WDFY3: variants seen among roughly 807,000 people sequenced by gnomAD.
WDFY3 encodes the protein WD repeat and FYVE domain-containing protein 3.
Under a neutral mutation model 409.6 loss-of-function variants are expected in WDFY3, and 66 were observed. The observed-to-expected ratio is 0.16, with a 90% confidence interval of 0.13 to 0.20. The LOEUF (loss-of-function observed/expected upper bound fraction) is 0.20, where lower values mean the gene tolerates loss of function less well. Among genes scored for constraint, WDFY3 ranks in the 10% least tolerant of loss-of-function variants. WDFY3 has a pLI of 1.00. For missense variants in WDFY3, 3,031 were observed against 4,298.1 expected, an observed-to-expected ratio of 0.71 and a Z score of 8.24; for synonymous variants, 1,521 against 1,537.1, an observed-to-expected ratio of 0.99 and a Z score of 0.25.
rs1730532424 is a variant in WDFY3, at chr4:84,698,572, T to TA, written c.8597-1750_8597-1749insT. ...ATAGGCAAGAGCCAGTGCTCCGCCC[T>TA]TAATTTTGCTATTCTGAAGCTCTCC... is the stretch of plus-strand genomic sequence containing the variant. On this transcript the variant is annotated intron_variant, in intron 56 of 67. Transcript: ENST00000295888. 2.6e-5 allele frequency among the ~76,000 whole-genome samples: 4 copies of TA among 152,274 alleles called. No homozygotes were observed. In the East Asian group the frequency reaches 7.7e-4, roughly 29 times the overall value.
intron 15 of WDFY3, among the ~76,000 whole-genome samples, chr4:84,807,430 T>A (rs1228961852): frequency 1.3e-5 from 2 of 152,210 alleles, no homozygotes; most frequent in African/African-American, 4.8e-5. Context: ...AAATACTGAA[T>A]CCGTAACAAA....
intron 17 of WDFY3, among the ~76,000 whole-genome samples, chr4:84,798,472 A>G (rs1207584086): frequency 6.6e-6 from 1 of 152,198 alleles, no homozygotes; most frequent in Non-Finnish European, 1.5e-5. Flanking sequence ...ATATAGCTAT[A>G]TATCTGCTAT....
chr4:84,821,481 G>A lies in WDFY3; in HGVS notation c.1194C>T (p.Phe398=), dbSNP rs758339183. ...QNAFLKAKTS[F]LAQIILDAIT... ...TAGCATCAAGGATGATTTGGGCAAG[G>A]AAGCTGGTTTTTGCTTTTAAAAATG... The change falls in exon 11 of 68, where the codon TTC becomes TTT. Residue 398 remains phenylalanine (F), a synonymous_variant. Coordinates refer to ENST00000295888, the MANE Select transcript of WDFY3 (RefSeq NM_014991.6). 6.2e-7 allele frequency: 1 copy of A among 1,613,846 alleles called. No homozygotes were observed. Among genetic ancestry groups the A allele is most frequent in the East Asian group, 2.2e-5 (1 of 44,848 alleles).
chr4:84,679,509 G>C (rs1726960676), intron 64 of WDFY3, among the ~76,000 whole-genome samples: 1 of 152,110 alleles, frequency 6.6e-6, no homozygotes. Flanking sequence ...AATCTGGCCA[G>C]AATCTGCCTT....
chr4:84,813,082 A>T (rs1334109534), intron 13 of WDFY3, among the ~76,000 whole-genome samples: 1 of 152,166 alleles, frequency 6.6e-6, no homozygotes, highest in East Asian at 1.9e-4. Context: ...TACAAATTAA[A>T]TGACATAGTT....
chr4:84,876,234 C>T (rs1472687699), intron 3 of WDFY3, among the ~76,000 whole-genome samples: 1 of 152,134 alleles, frequency 6.6e-6, no homozygotes, highest in African/African-American at 2.4e-5. Context: ...CTGGGAACAC[C>T]ATCATATATG....
chr4:84,683,398 C>T (rs1339549759), intron 63 of WDFY3, among the ~76,000 whole-genome samples: 3 of 152,168 alleles, frequency 2.0e-5, no homozygotes, highest in African/African-American at 4.8e-5. Flanking sequence ...GACAGAAAAA[C>T]TCAAATACTT....
chr4:84,714,114 A>T (rs1183132533), intron 50 of WDFY3, among the ~76,000 whole-genome samples: 3 of 105,442 alleles, frequency 2.8e-5, no homozygotes, highest in South Asian at 2.8e-4. Context: ...GACTTTGTCT[A>T]AAAAAAAAAA....
Position 84,696,586 on chromosome 4 carries a change from G to A in WDFY3, c.8688+146C>T, listed in dbSNP as rs556951257. ...ATTCCTGGTTTCAGGCATCAACTGG[G>A]GTTCTTGGGATGTATCCCCTGTAGA... On this transcript the variant is annotated intron_variant, in intron 57 of 67. Transcript: ENST00000295888. 3 of 672,502 alleles carry A rather than the reference G, an allele frequency of 4.5e-6. No homozygotes were observed. The South Asian group carries it at 6.5e-5, about 15-fold the overall frequency. The allele number at this position is 672,502 out of a possible 1,614,324, so 41.7% of individuals were successfully genotyped here.
rs369039092 is a variant in WDFY3, at chr4:84,677,185, A to T, written c.10457+14T>A. 1 of 1,613,968 alleles carries T rather than the reference A, an allele frequency of 6.2e-7. No homozygotes were observed. Among genetic ancestry groups the T allele is most frequent in the East Asian group, 2.2e-5 (1 of 44,880 alleles). On this transcript the variant is annotated intron_variant, in intron 67 of 67. Coordinates refer to ENST00000295888, the MANE Select transcript of WDFY3 (RefSeq NM_014991.6). ...TAATCAATGTAAATTCAAAAAGCAGATATCTTATCTTACTTCTGGCAGAAG... is the reference window on the plus strand; with the variant it reads ...TAATCAATGTAAATTCAAAAAGCAGTTATCTTATCTTACTTCTGGCAGAAG...
chr4:84,780,195 C>T lies in WDFY3; in HGVS notation c.4278G>A (p.Gly1426=), dbSNP rs1022869576. 3.7e-6 allele frequency: 6 copies of T among 1,613,922 alleles called. No homozygotes were observed. The highest frequency in any genetic ancestry group is 3.3e-5 in the Admixed American group (2 of 59,980). ...GLVAMASDVE[G]LYAAVKALVC... Reference sequence around the variant, plus strand: ...CCAGGGCCTTGACTGCTGCATATAACCCTTCCACATCAGAGGCCATGGCCA... The same window carrying T: ...CCAGGGCCTTGACTGCTGCATATAATCCTTCCACATCAGAGGCCATGGCCA... Residue 1426 remains glycine, a synonymous_variant, in exon 26 of 68, where the codon GGG becomes GGA. Transcript: ENST00000295888.
intron 1 of WDFY3, among the ~76,000 whole-genome samples, chr4:84,963,284 C>T (rs564967929): frequency 6.6e-6 from 1 of 151,656 alleles, no homozygotes; most frequent in Non-Finnish European, 1.5e-5. Flanking sequence ...ATTAGCCAGG[C>T]GTGGTGGCGA....
At position 84,940,268 on chromosome 4, in the gene WDFY3, G is replaced by A. The variant is rs937420590; in HGVS notation, c.-225-7905C>T. 5.3e-5 allele frequency among the ~76,000 whole-genome samples: 8 copies of A among 151,986 alleles called. No individual in the cohort carries two copies. In the East Asian group the frequency reaches 1.2e-3, roughly 22 times the overall value. ...CTCTTTCAACTCTACCCAAGCTGACGGTATATGGTTATAGTTATAGCACCA... is the reference window on the plus strand; with the variant it reads ...CTCTTTCAACTCTACCCAAGCTGACAGTATATGGTTATAGTTATAGCACCA... On this transcript the variant is annotated intron_variant, in intron 1 of 67. Transcript: ENST00000295888.
Position 84,765,993 on chromosome 4 carries a change from C to T in WDFY3, c.5005G>A (p.Asp1669Asn), listed in dbSNP as rs1307390298. 1 of 1,613,790 alleles carries T rather than the reference C, an allele frequency of 6.2e-7. No homozygotes were observed. Among genetic ancestry groups the T allele is most frequent in the African/African-American group, 1.3e-5 (1 of 74,910 alleles). Residue 1669 changes from aspartate to asparagine, a missense_variant, in exon 32 of 68, where the codon GAC becomes AAC. Physicochemically the swap from Asp to Asn is conservative, Grantham distance 23 (BLOSUM62 1). This residue lies in a region of WDFY3 where 342 missense variants were observed against 463.7 expected (regional missense o/e 0.74). Coordinates refer to ENST00000295888, the MANE Select transcript of WDFY3 (RefSeq NM_014991.6). Reference protein sequence around the residue: ...CEELVKTLGFDWIMMFMEEHL... With the variant: ...CEELVKTLGFNWIMMFMEEHL... ...TCCTCCATAAACATCATGATCCAGT[C>T]AAAACCCAGTGTCTTCACCAGTTCT...
chr4:84,957,854 T>C (rs1774437911), intron 1 of WDFY3, among the ~76,000 whole-genome samples: 1 of 152,340 alleles, frequency 6.6e-6, no homozygotes, highest in East Asian at 1.9e-4. Context: ...CTAGATCTAT[T>C]AGTGTTACAG....
rs141638610 is a variant in WDFY3 at position 84,949,604 on chromosome 4, T to C, written c.-226+16605A>G. On this transcript the variant is annotated intron_variant, in intron 1 of 67. Coordinates refer to ENST00000295888, the MANE Select transcript of WDFY3 (RefSeq NM_014991.6). ...CTGAACAATGCTGAATTCTTCTCTA[T>C]GAAACTTATTCAATTTCTAATTCTC... Among the ~76,000 whole-genome samples the C allele has an allele frequency of 7.2e-3, 1,104 of 152,334 alleles. 5 individuals are homozygous for C. The highest frequency in any genetic ancestry group is 0.031 in the Middle Eastern group (9 of 294).
chr4:84,904,961 G>A (rs1000048158), intron 2 of WDFY3, among the ~76,000 whole-genome samples: 2 of 145,516 alleles, frequency 1.4e-5, no homozygotes, highest in African/African-American at 5.2e-5. Flanking sequence ...GTGGTCCCTG[G>A]GGCCCAGCTG....
intron 64 of WDFY3, among the ~76,000 whole-genome samples, chr4:84,680,861 G>A (rs955003043): frequency 2.0e-5 from 3 of 152,090 alleles, no homozygotes; most frequent in African/African-American, 7.2e-5. Context: ...TTTATATCAG[G>A]GACTTGAGCA....
At chr4:84,907,508 G>C (rs573737933) in intron 2 of WDFY3, among the ~76,000 whole-genome samples, 2 of 152,192 alleles carry the variant, frequency 1.3e-5, no homozygotes, top group South Asian at 4.1e-4. Context: ...GAGCCATCCT[G>C]GAAAGTGATC....
Sources: allele counts gnomAD v4.1 joint callset (sites outside exome capture counted in the v4.1 genomes callset), GRCh38; gene constraint gnomAD v4.1.1; regional missense constraint gnomAD v4.1.1; transcripts MANE v1.5; gene names NCBI Gene and HGNC (gene_info 2026-07-23, HGNC 2026-07-21).